FAT3: variants seen among roughly 807,000 people sequenced by gnomAD.
FAT3 encodes FAT atypical cadherin 3.
In FAT3, 95 loss-of-function variants were observed where a neutral mutation model predicts 310.2. The observed-to-expected ratio is 0.31, with a 90% CI of 0.26 to 0.36. The LOEUF (loss-of-function observed/expected upper bound fraction) is 0.36. Ranked by LOEUF, FAT3 falls within the 10% of genes least tolerant of loss-of-function variation. The probability of loss-of-function intolerance (pLI) is 1.00; values close to 1 mark genes in which losing one functional copy is unlikely to be tolerated. For synonymous variants in FAT3, 2,314 were observed against 2,192.9 expected (o/e 1.06, Z -1.54); for missense variants, 5,408 against 5,715.6 (o/e 0.95, Z 1.74).
At chr11:92,477,685 A>G (rs1288982490) in intron 2 of FAT3, among the ~76,000 whole-genome samples, 1 of 152,198 alleles carries the variant, frequency 6.6e-6, no homozygotes, top group Non-Finnish European at 1.5e-5. Context: ...TTCTTTTTAT[A>G]GCTCTTATAC....
intron 24 of FAT3, chr11:92,886,732 C>T (rs10765570): frequency 0.82 from 328,735 of 402,814 alleles, 135,024 homozygotes; most frequent in African/African-American, 0.91. Context: ...TGCTTCACTT[C>T]GAGGAAGAAA....
chr11:92,599,023 G>A (rs549186663), intron 3 of FAT3, among the ~76,000 whole-genome samples: 5 of 152,262 alleles, frequency 3.3e-5, no homozygotes, highest in African/African-American at 1.2e-4. Flanking sequence ...AGAAGCTTCT[G>A]AGAATACAGC....
At chr11:92,340,765 A>G (rs1390175608) in intron 1 of FAT3, among the ~76,000 whole-genome samples, 1 of 152,210 alleles carries the variant, frequency 6.6e-6, no homozygotes, top group African/African-American at 2.4e-5. Context: ...TGGTCTCATT[A>G]GCACTGAGTA....
intron 3 of FAT3, among the ~76,000 whole-genome samples, chr11:92,596,721 A>G (rs181427331): frequency 1.9e-4 from 29 of 152,290 alleles, no homozygotes; most frequent in Non-Finnish European, 3.7e-4. Context: ...TCAGGCTTCA[A>G]TTTTGGCAGA....
rs765127659 is a variant in FAT3 at position 92,801,371 on chromosome 11, T to C, written c.8358T>C (p.Thr2786=). The part of the protein sequence containing the change: ...SPAFHFKVAA[T]IPLDKVDIVF... The stretch of plus-strand genomic sequence containing the variant: ...CTTTCCACTTTAAAGTAGCAGCCAC[T>C]ATACCCCTGGACAAAGTAGACATTG... Residue 2786 remains threonine (T), a synonymous_variant, in exon 10 of 28, where the codon ACT becomes ACC. Transcript: ENST00000525166. The C allele has an allele frequency of 6.2e-7, 1 of 1,613,958 alleles. No individual in the cohort carries two copies. The highest frequency in any genetic ancestry group is 8.5e-7 in the Non-Finnish European group (1 of 1,179,862).
chr11:92,692,259 A>C (rs1943817685), intron 3 of FAT3, among the ~76,000 whole-genome samples: 2 of 152,184 alleles, frequency 1.3e-5, no homozygotes, highest in Admixed American at 6.5e-5. Flanking sequence ...CACTCTGTAT[A>C]ATAAAATAAC....
chr11:92,377,967 G>T (rs1949391177), intron 2 of FAT3, among the ~76,000 whole-genome samples: 1 of 152,144 alleles, frequency 6.6e-6, no homozygotes, highest in Non-Finnish European at 1.5e-5. Context: ...TTTGAATAAT[G>T]TATGTTTTGA....
At chr11:92,549,245 G>A (rs1954720730) in intron 3 of FAT3, among the ~76,000 whole-genome samples, 1 of 152,044 alleles carries the variant, frequency 6.6e-6, no homozygotes, top group South Asian at 2.1e-4. Context: ...CACTATCAGG[G>A]CGTTTTCATT....
intron 1 of FAT3, among the ~76,000 whole-genome samples, chr11:92,266,389 C>A (rs780844476): frequency 6.6e-6 from 1 of 152,122 alleles, no homozygotes; most frequent in Non-Finnish European, 1.5e-5. Flanking sequence ...GTGTTTGACA[C>A]GTACAAATCC....
intron 2 of FAT3, among the ~76,000 whole-genome samples, chr11:92,381,613 C>A (rs972693712): frequency 3.3e-5 from 5 of 151,964 alleles, no homozygotes; most frequent in African/African-American, 4.8e-5. Context: ...TCCTTCCTTC[C>A]GAAACACCTT....
intron 4 of FAT3, among the ~76,000 whole-genome samples, chr11:92,760,789 C>G (rs1946130335): frequency 6.6e-6 from 1 of 152,138 alleles, no homozygotes; most frequent in East Asian, 1.9e-4. Flanking sequence ...ATCACTATGA[C>G]TAATAAGAAA....
At chr11:92,457,248 A>G (rs1378687086) in intron 2 of FAT3, among the ~76,000 whole-genome samples, 2 of 152,164 alleles carry the variant, frequency 1.3e-5, no homozygotes, top group Non-Finnish European at 2.9e-5. Flanking sequence ...GCTCCATGAG[A>G]TGGGGTAGTT....
chr11:92,831,891 C>T lies in FAT3; in HGVS notation c.9751C>T (p.Pro3251Ser). 1 of 1,612,780 alleles carries T rather than the reference C, an allele frequency of 6.2e-7. No homozygotes were observed. Among genetic ancestry groups the T allele is most frequent in the Non-Finnish European group, 8.5e-7 (1 of 1,179,440 alleles). ...GGTGACGGTGCCTGAGGACACCTCC[C>T]CTGGCACCCAAGTCCTTGCTGTTTT... ...YLVTVPEDTS[P>S]GTQVLAVFAT... The change falls in exon 14 of 28, where the codon CCT becomes TCT. Residue 3251 changes from proline to serine, a missense_variant. This residue lies in a region of FAT3 where 4,588 missense variants were observed against 4,809.8 expected (regional missense o/e 0.95). Coordinates refer to ENST00000525166, the MANE Select transcript of FAT3 (RefSeq NM_001367949.2).
chr11:92,505,143 T>C (rs1953060034), intron 2 of FAT3, among the ~76,000 whole-genome samples: 1 of 152,046 alleles, frequency 6.6e-6, no homozygotes, highest in African/African-American at 2.4e-5. Context: ...GAGAGGAAAG[T>C]TCCTGGAGGT....
chr11:92,781,219 A>G (rs1414387417), intron 7 of FAT3, among the ~76,000 whole-genome samples: 2 of 151,434 alleles, frequency 1.3e-5, no homozygotes, highest in Non-Finnish European at 2.9e-5. Context: ...AGTAGCTGGG[A>G]CTACAGGTGC....
At chr11:92,621,477 C>G (rs1223488362) in intron 3 of FAT3, among the ~76,000 whole-genome samples, 1 of 152,140 alleles carries the variant, frequency 6.6e-6, no homozygotes, top group Non-Finnish European at 1.5e-5. Context: ...TCAACTAGAT[C>G]AATTTTTTGG....
rs1275636307 is a variant in FAT3 at position 92,353,717 on chromosome 11, T to C, written c.1605T>C (p.Asp535=). 8.7e-6 allele frequency: 14 copies of C among 1,613,808 alleles called. No homozygotes were observed. Among genetic ancestry groups the C allele is most frequent in the Non-Finnish European group, 1.2e-5 (14 of 1,179,894 alleles). The stretch of plus-strand genomic sequence containing the variant: ...TTATTAGCACAACTGAAGAACTGGA[T>C]TTTGAATCCTCCCCAGAAATTTACA... ...TGVISTTEEL[D]FESSPEIYRF... The change falls in exon 2 of 28, where the codon GAT becomes GAC. Residue 535 remains aspartate (D), a synonymous_variant. Transcript: ENST00000525166.
At chr11:92,373,760 G>GCACACACACACACACACA (rs57651290) in intron 2 of FAT3, among the ~76,000 whole-genome samples, 1 of 130,076 alleles carries the variant, frequency 7.7e-6, no homozygotes, top group African/African-American at 2.7e-5. Flanking sequence ...AGATATGTAT[G>GCACACACACACACACACA]CACACACACA....
chr11:92,419,110 T>G (rs1289760937), intron 2 of FAT3, among the ~76,000 whole-genome samples: 1 of 152,170 alleles, frequency 6.6e-6, no homozygotes, highest in Non-Finnish European at 1.5e-5. Context: ...ACAGGCTCCT[T>G]GTTCTCCTAC....
Sources: allele counts gnomAD v4.1 joint callset (sites outside exome capture counted in the v4.1 genomes callset), GRCh38; gene constraint gnomAD v4.1.1; regional missense constraint gnomAD v4.1.1; transcripts MANE v1.5; gene names NCBI Gene and HGNC (gene_info 2026-07-23, HGNC 2026-07-21).